GRIA2: variants seen among roughly 807,000 people sequenced by gnomAD.
GRIA2 encodes the protein glutamate ionotropic receptor AMPA type subunit 2.
A neutral mutation model predicts 97.3 loss-of-function variants in GRIA2; 14 were observed. The observed-to-expected ratio is 0.14, with a 90% confidence interval of 0.10 to 0.23. The LOEUF (loss-of-function observed/expected upper bound fraction) is 0.23, where lower values mean the gene tolerates loss of function less well. Ranked by LOEUF, GRIA2 falls within the 10% of genes least tolerant of loss-of-function variation. The pLI is 1.00. For missense variants in GRIA2, 558 were observed against 1,069.8 expected (o/e 0.52, Z 6.67); for synonymous variants, 412 against 387.8 (o/e 1.06, Z -0.73).
intron 11 of GRIA2, among the ~76,000 whole-genome samples, chr4:157,337,746 A>G (rs1203537625): frequency 6.6e-6 from 1 of 151,880 alleles, no homozygotes; most frequent in South Asian, 2.1e-4. Context: ...AAAGATTTGC[A>G]TCTTTTGCAA....
At chr4:157,335,573 G>A in intron 9 of GRIA2, 98 bp from the exon 10 acceptor site, 2 of 730,452 alleles carry the variant, frequency 2.7e-6, no homozygotes, top group South Asian at 3.3e-5. Flanking sequence ...CATTCACTCT[G>A]GCTAATGGGT....
At chr4:157,229,657 G>C (rs1228396142) in intron 2 of GRIA2, among the ~76,000 whole-genome samples, 2 of 152,036 alleles carry the variant, frequency 1.3e-5, no homozygotes, top group Non-Finnish European at 2.9e-5. Flanking sequence ...TTATGGTTAT[G>C]TTAATACTTA....
Position 157,361,382 on chromosome 4 carries a change from C to T in GRIA2, c.2406+258C>T, listed in dbSNP as rs913917860. Among the ~76,000 whole-genome samples the T allele has an allele frequency of 6.6e-6, 1 of 152,164 alleles. No homozygotes were observed. Among genetic ancestry groups the T allele is most frequent in the East Asian group, 1.9e-4 (1 of 5,176 alleles). On this transcript the variant is annotated intron_variant, in intron 14 of 15. Transcript: ENST00000264426. The surrounding 1 kb of genome is among the most constrained non-coding windows in gnomAD (Gnocchi z 5.2). ...CACCTGCTGGTTACTTCCAGCGATA[C>T]ATTAATGCTCATTTGGCTCTGCAAA...
At chr4:157,311,745 GTTGT>G (rs1164020623) in intron 3 of GRIA2, among the ~76,000 whole-genome samples, 3 of 151,842 alleles carry the variant, frequency 2.0e-5, no homozygotes, top group Non-Finnish European at 4.4e-5. Context: ...TCGATTTTGC[GTTGT>G]TTATTAAGTT....
At chr4:157,312,327 A>G (rs1490576080) in intron 3 of GRIA2, among the ~76,000 whole-genome samples, 1 of 152,142 alleles carries the variant, frequency 6.6e-6, no homozygotes, top group East Asian at 1.9e-4. Context: ...TGTAAGAGTA[A>G]GAAATGTTTG....
chr4:157,316,221 C>A (rs1312898960), intron 4 of GRIA2, among the ~76,000 whole-genome samples: 4 of 152,112 alleles, frequency 2.6e-5, no homozygotes, highest in Admixed American at 2.6e-4. Context: ...TCAGCTGATG[C>A]TAATTTATAT....
At chr4:157,222,949 GC>G (rs372588775) in intron 2 of GRIA2, among the ~76,000 whole-genome samples, 270 of 152,292 alleles carry the variant, frequency 1.8e-3, no homozygotes, top group African/African-American at 6.3e-3. Context: ...ATCATTTCCT[GC>G]CGACTGCCCT....
At chr4:157,304,580 G>A (rs1018740643) in intron 3 of GRIA2, among the ~76,000 whole-genome samples, 7 of 152,136 alleles carry the variant, frequency 4.6e-5, no homozygotes, top group African/African-American at 1.4e-4. Flanking sequence ...GAAACATCTT[G>A]TGTGTGTGTG....
chr4:157,293,430 A>G (rs1365388891), intron 2 of GRIA2, among the ~76,000 whole-genome samples: 1 of 152,156 alleles, frequency 6.6e-6, no homozygotes, highest in Non-Finnish European at 1.5e-5. Flanking sequence ...ATATCAAAGT[A>G]AGCCACAAGA....
chr4:157,330,069 G>A (rs192916776), intron 6 of GRIA2, among the ~76,000 whole-genome samples: 1 of 152,016 alleles, frequency 6.6e-6, no homozygotes, highest in African/African-American at 2.4e-5. Flanking sequence ...TCTACCTCAG[G>A]CTTGTCACAA....
intron 3 of GRIA2, among the ~76,000 whole-genome samples, chr4:157,308,821 G>C (rs143939909): frequency 0.01 from 1,551 of 152,254 alleles, 14 homozygotes; most frequent in Middle Eastern, 0.02. Context: ...GTACAAAGAG[G>C]TCAAGAGCAC....
intron 3 of GRIA2, among the ~76,000 whole-genome samples, chr4:157,310,211 T>C (rs1017693327): frequency 2.0e-5 from 3 of 152,188 alleles, no homozygotes; most frequent in Admixed American, 2.0e-4. Flanking sequence ...ATCTGTGATG[T>C]GTTTTAAAGA....
At chr4:157,265,088 T>C (rs1000794395) in intron 2 of GRIA2, among the ~76,000 whole-genome samples, 5 of 152,150 alleles carry the variant, frequency 3.3e-5, no homozygotes, top group Non-Finnish European at 4.4e-5. Context: ...CTGCCCTTGT[T>C]AAGATAGGAT....
intron 2 of GRIA2, among the ~76,000 whole-genome samples, chr4:157,248,751 C>T (rs568737104): frequency 1.5e-4 from 17 of 116,466 alleles, no homozygotes; most frequent in Admixed American, 6.3e-4. Flanking sequence ...ATATATATAC[C>T]GACCATGGCA....
intron 2 of GRIA2, among the ~76,000 whole-genome samples, chr4:157,290,312 G>A (rs910627856): frequency 1.4e-4 from 22 of 151,904 alleles, no homozygotes; most frequent in African/African-American, 5.3e-4. Flanking sequence ...TATCAAATCA[G>A]TATATGGTTA....
At chr4:157,221,864 G>A (rs1002897105) in intron 2 of GRIA2, 57 bp downstream of exon 2, 2 of 1,526,244 alleles carry the variant, frequency 1.3e-6, no homozygotes, top group Admixed American at 1.7e-5. Context: ...CAGCGAGTGT[G>A]AGTGTGTGTG....
chr4:157,346,687 G>GA (rs1183618148), intron 12 of GRIA2, among the ~76,000 whole-genome samples: 1 of 151,970 alleles, frequency 6.6e-6, no homozygotes, highest in Non-Finnish European at 1.5e-5. Context: ...AATAAATAAG[G>GA]AAAAAATAGC....
In GRIA2 at chr4:157,222,400, G is replaced by A. The variant is rs142086039; in HGVS notation, c.229+593G>A. ...TGAAATGGTTCCGGAGTTGGGATCG[G>A]GGCTGTTACATAACGCCCACCCGAG... is the stretch of plus-strand genomic sequence containing the variant. On this transcript the variant is annotated intron_variant, in intron 2 of 15. Transcript: ENST00000264426. Among the ~76,000 whole-genome samples the A allele has an allele frequency of 3.5e-3, 532 of 152,338 alleles. 2 individuals carry two copies. Among genetic ancestry groups the A allele is most frequent in the Non-Finnish European group, 4.8e-3 (324 of 68,032 alleles).
At chr4:157,251,267 C>T (rs1731008213) in intron 2 of GRIA2, among the ~76,000 whole-genome samples, 3 of 152,050 alleles carry the variant, frequency 2.0e-5, no homozygotes. Flanking sequence ...ATTTAAAATG[C>T]TTTCCCCACA....
Sources: gnomAD v4.1 joint callset for allele counts (sites outside exome capture counted in the v4.1 genomes callset) on GRCh38, gnomAD v4.1.1 for gene constraint, Gnocchi (gnomAD v3.1) non-coding constraint, MANE v1.5 for transcripts, NCBI Gene and HGNC (gene_info 2026-07-23, HGNC 2026-07-21) for gene names.